HERC2: variants seen among roughly 807,000 people sequenced by gnomAD.
HERC2 encodes the protein HECT and RLD domain containing E3 ubiquitin protein ligase 2.
Under a neutral mutation model 537.7 loss-of-function variants are expected in HERC2, and 102 were observed. That is an observed-to-expected ratio of 0.19 (90% CI 0.16 to 0.22). The LOEUF is 0.22. HERC2 is among the 10% of genes least tolerant of loss of function. The pLI is 1.00. For synonymous variants in HERC2, 2,224 were observed against 2,466.2 expected, an observed-to-expected ratio of 0.90 and a Z score of 2.91; for missense variants, 4,236 against 6,198.2, an observed-to-expected ratio of 0.68 and a Z score of 10.63.
In HERC2 at chr15:28,228,304, A is replaced by G. The variant is rs754869365; in HGVS notation, c.5378T>C (p.Leu1793Pro). ...ARFLLVMLSM[L>P]TLQHGANNLD... ...GTTGTTTGCGCCGTGCTGCAGGGTG[A>G]GCATGCTGAGCATCACCAGGAGGAA... Residue 1793 changes from leucine (L) to proline (P), a missense_variant, in exon 35 of 93, where the codon CTC (leucine) becomes CCC (proline). By Grantham distance (98) the Leu-to-Pro change is moderately conservative (BLOSUM62 -3). Around this residue, in one of 27 missense-constraint regions of HERC2, gnomAD observed 343 missense variants for 417.2 expected, o/e 0.82. Coordinates refer to ENST00000261609, the MANE Select transcript of HERC2 (RefSeq NM_004667.6). 1.9e-6 allele frequency: 3 copies of G among 1,612,628 alleles called. No individual in the cohort carries two copies. Among genetic ancestry groups the G allele is most frequent in the Admixed American group, 1.7e-5 (1 of 59,986 alleles).
chr15:28,190,757 A>G (rs2140263595), intron 55 of HERC2: 1 of 580,900 alleles, frequency 1.7e-6, no homozygotes, highest in Non-Finnish European at 3.0e-6. Flanking sequence ...GTGAGAATGA[A>G]ATTTGTTTCC....
intron 23 of HERC2, among the ~76,000 whole-genome samples, chr15:28,242,510 A>T (rs891255208): frequency 2.6e-5 from 4 of 152,214 alleles, no homozygotes; most frequent in Non-Finnish European, 4.4e-5. Flanking sequence ...TTCTTCCTGA[A>T]TTATAGCTTC....
At chr15:28,135,751 A>G in intron 78 of HERC2, 59 bp from the exon 79 acceptor site, 1 of 1,254,172 alleles carries the variant, frequency 8.0e-7, no homozygotes, top group Non-Finnish European at 1.2e-6. Flanking sequence ...CCCTAAATTT[A>G]CTAATTCATA....
At chr15:28,175,294 G>T (rs1895158097) in intron 64 of HERC2, among the ~76,000 whole-genome samples, 1 of 152,022 alleles carries the variant, frequency 6.6e-6, no homozygotes, top group Non-Finnish European at 1.5e-5. Flanking sequence ...GAGTGGGAAC[G>T]CCTCTTTTCT....
chr15:28,173,485 C>T (rs1360934800), intron 65 of HERC2, among the ~76,000 whole-genome samples: 1 of 152,082 alleles, frequency 6.6e-6, no homozygotes, highest in Non-Finnish European at 1.5e-5. Context: ...CTGTATGATT[C>T]TATTTATAGT....
chr15:28,228,312 G>A lies in HERC2; in HGVS notation c.5370C>T (p.Leu1790=), dbSNP rs1426712357. The A allele has an allele frequency of 6.2e-7, 1 of 1,612,712 alleles. No individual in the cohort carries two copies. Among genetic ancestry groups the A allele is most frequent in the Non-Finnish European group, 8.5e-7 (1 of 1,179,838 alleles). ...IPQARFLLVM[L]SMLTLQHGAN... ...CGCCGTGCTGCAGGGTGAGCATGCTGAGCATCACCAGGAGGAAGCGGGCTT... is the reference window on the plus strand; with the variant it reads ...CGCCGTGCTGCAGGGTGAGCATGCTAAGCATCACCAGGAGGAAGCGGGCTT... The change falls in exon 35 of 93, where the codon CTC becomes CTT. Residue 1790 remains leucine (L), a synonymous_variant. Coordinates refer to ENST00000261609, the MANE Select transcript of HERC2 (RefSeq NM_004667.6).
intron 2 of HERC2, chr15:28,316,107 C>T (rs1343864507): frequency 9.4e-6 from 3 of 318,484 alleles, no homozygotes; most frequent in Admixed American, 4.2e-5. Context: ...CTTGGAATTC[C>T]AGCCACTTAG....
chr15:28,186,540 G>A lies in HERC2; in HGVS notation c.8825+37C>T, dbSNP rs199522451. The A allele has an allele frequency of 2.5e-5, 39 of 1,556,388 alleles. 1 individual carries two copies. The highest frequency in any genetic ancestry group is 1.1e-4 in the East Asian group (5 of 44,318). The stretch of plus-strand genomic sequence containing the variant: ...GAAAGTGAGGATCCAGGAATGTAGC[G>A]GGAGGTAAGTGAGCACCTGTAACAA... On this transcript the variant is annotated intron_variant, in intron 56 of 92. Transcript: ENST00000261609.
intron 4 of HERC2, among the ~76,000 whole-genome samples, chr15:28,286,526 A>G (rs1254753110): frequency 2.0e-5 from 3 of 152,216 alleles, no homozygotes; most frequent in Non-Finnish European, 1.5e-5. Context: ...TTACATATCA[A>G]TTGATTTAGA....
At chr15:28,314,387 CAAG>C (rs1419840935) in intron 2 of HERC2, among the ~76,000 whole-genome samples, 1 of 152,164 alleles carries the variant, frequency 6.6e-6, no homozygotes, top group African/African-American at 2.4e-5. Context: ...GAAAGTGAGA[CAAG>C]GAGATCAATG....
chr15:28,235,199 C>T (rs1297736026), intron 26 of HERC2, among the ~76,000 whole-genome samples: 1 of 152,132 alleles, frequency 6.6e-6, no homozygotes, highest in East Asian at 1.9e-4. Flanking sequence ...CAACCCACCA[C>T]ATTCGTTCTT....
Position 28,212,315 on chromosome 15 carries a change from T to G in HERC2, c.6925+130A>C, listed in dbSNP as rs1458119438. The G allele has an allele frequency of 4.2e-6, 3 of 717,510 alleles. No individual in the cohort carries two copies. In the Admixed American group the frequency reaches 6.7e-5, roughly 16 times the overall value. The allele number at this position is 717,510 out of a possible 1,614,324, so 44.4% of individuals were successfully genotyped here. A position where few individuals can be genotyped will look rare whatever the true frequency, so the allele number is the denominator to read the frequency against. On this transcript the variant is annotated intron_variant, in intron 43 of 92. Transcript: ENST00000261609. ...ACAGGGTTACATTCCCAACCGCAACTCAACAAATGGTGAGCCCACGTGAAC... is the reference window on the plus strand; with the variant it reads ...ACAGGGTTACATTCCCAACCGCAACGCAACAAATGGTGAGCCCACGTGAAC...
chr15:28,209,414 C>T (rs925311817), intron 44 of HERC2, among the ~76,000 whole-genome samples: 1 of 151,788 alleles, frequency 6.6e-6, no homozygotes. Context: ...CACGATCTCG[C>T]CTCACTGCAA....
In HERC2 at chr15:28,300,555, G is replaced by T. The variant is rs554632231; in HGVS notation, c.73-1039C>A. ...TTAAGGTTTTAGGCCGGCCACGGTGGCTCACACCCGTAATCCCAGCATTTG... is the reference window on the plus strand; with the variant it reads ...TTAAGGTTTTAGGCCGGCCACGGTGTCTCACACCCGTAATCCCAGCATTTG... On this transcript the variant is annotated intron_variant, in intron 2 of 92. Coordinates refer to ENST00000261609, the MANE Select transcript of HERC2 (RefSeq NM_004667.6). Among the ~76,000 whole-genome samples, 937 of 151,340 alleles carry T rather than the reference G, an allele frequency of 6.2e-3. 2 individuals carry two copies. The highest frequency in any genetic ancestry group is 0.021 in the African/African-American group (860 of 41,046).
At chr15:28,293,664 G>A (rs1473625434) in intron 3 of HERC2, among the ~76,000 whole-genome samples, 2 of 152,160 alleles carry the variant, frequency 1.3e-5, no homozygotes, top group Non-Finnish European at 2.9e-5. Flanking sequence ...CCCAATGCTT[G>A]TGTATCCATG....
intron 23 of HERC2, among the ~76,000 whole-genome samples, chr15:28,239,912 A>G (rs1380794121): frequency 6.6e-6 from 1 of 152,222 alleles, no homozygotes; most frequent in Non-Finnish European, 1.5e-5. Flanking sequence ...CAATGTCAAC[A>G]CAGAGAACAT....
chr15:28,112,048 A>C lies in HERC2; in HGVS notation c.14233-13T>G, dbSNP rs748546198. ...ATTTATCCAACACCTGTTGAGCAGA[A>C]ACATGAAGTGATTAGAAATTGAGTA... On this transcript the variant is annotated splice_polypyrimidine_tract_variant and intron_variant, in intron 92 of 92. Coordinates refer to ENST00000261609, the MANE Select transcript of HERC2 (RefSeq NM_004667.6). The C allele has an allele frequency of 2.5e-6, 4 of 1,610,980 alleles. No individual in the cohort carries two copies. In the South Asian group the frequency reaches 4.4e-5, roughly 18 times the overall value.
intron 37 of HERC2, 81 bp downstream of exon 37, chr15:28,220,371 G>A: frequency 2.4e-6 from 3 of 1,275,290 alleles, no homozygotes; most frequent in South Asian, 2.4e-5. Context: ...CCCATTCTAA[G>A]GCCCAGATGA....
chr15:28,317,332 G>A (rs1335067767), intron 2 of HERC2, among the ~76,000 whole-genome samples: 5 of 152,136 alleles, frequency 3.3e-5, no homozygotes, highest in Middle Eastern at 3.2e-3. Flanking sequence ...CAAGTGATCC[G>A]CCCTCCTCGG....
Sources: allele counts gnomAD v4.1 joint callset (sites outside exome capture counted in the v4.1 genomes callset), GRCh38; gene constraint gnomAD v4.1.1; regional missense constraint gnomAD v4.1.1; transcripts MANE v1.5; gene names NCBI Gene and HGNC (gene_info 2026-07-23, HGNC 2026-07-21).